Variants in COPB2 observed in about 807,000 individuals in gnomAD.
COPB2 encodes coatomer subunit beta'.
Under a neutral mutation model 120.8 loss-of-function variants are expected in COPB2, and 16 were observed. The ratio of observed to expected loss-of-function variants is 0.13; its 90% confidence interval spans 0.09 to 0.20. The LOEUF is 0.20. Ranked by LOEUF, COPB2 falls within the 10% of genes least tolerant of loss-of-function variation. COPB2 has a pLI of 1.00. For missense variants in COPB2, 794 were observed against 1,076.5 expected, an observed-to-expected ratio of 0.74 and a Z score of 3.67; for synonymous variants, 332 against 366.3, an observed-to-expected ratio of 0.91 and a Z score of 1.07.
Position 139,357,819 on chromosome 3 carries a change from T to A in COPB2, c.*44A>T. 5 of 1,067,868 alleles carry A rather than the reference T, an allele frequency of 4.7e-6. No homozygotes were observed. Among genetic ancestry groups the A allele is most frequent in the Non-Finnish European group, 6.9e-6 (5 of 721,430 alleles). The allele number at this position is 1,067,868 out of a possible 1,614,324, so 66.1% of individuals were successfully genotyped here. ...GTCAGGGTAGCAATCAATACCTATATATAATAATGATCTGTTTAGTCAGGT... is the reference window on the plus strand; with the variant it reads ...GTCAGGGTAGCAATCAATACCTATAAATAATAATGATCTGTTTAGTCAGGT... On this transcript the variant is annotated 3_prime_UTR_variant, in exon 22 of 22. Transcript: ENST00000333188.
chr3:139,359,448 A>G, intron 17 of COPB2, 86 bp from the exon 18 acceptor site: 1 of 1,285,152 alleles, frequency 7.8e-7, no homozygotes, highest in Non-Finnish European at 1.1e-6. Flanking sequence ...TAGTGTTACA[A>G]AGCCAAAAAT....
chr3:139,358,984 T>C lies in COPB2; in HGVS notation c.2484+14A>G. The C allele has an allele frequency of 6.2e-7, 1 of 1,608,882 alleles. No homozygotes were observed. Among genetic ancestry groups the C allele is most frequent in the Non-Finnish European group, 8.5e-7 (1 of 1,177,974 alleles). On this transcript the variant is annotated intron_variant, in intron 19 of 21. Coordinates refer to ENST00000333188, the MANE Select transcript of COPB2 (RefSeq NM_004766.3). ...TAGTTACAATAAATGAAGCTTGACA[T>C]CCTGGCCACTCACCGTGACAAGTGG...
Position 139,366,825 on chromosome 3 carries a change from A to G in COPB2, c.1677-50T>C, listed in dbSNP as rs948929691. On this transcript the variant is annotated intron_variant, in intron 14 of 21. Transcript: ENST00000333188. Reference sequence around the variant, plus strand: ...TAGAAATTCAAATCTGCAATTACACAAACACACACCCCGCCAATCTCCCTC... The same window carrying G: ...TAGAAATTCAAATCTGCAATTACACGAACACACACCCCGCCAATCTCCCTC... 4.4e-6 allele frequency: 7 copies of G among 1,576,832 alleles called. No individual in the cohort carries two copies. The Admixed American group carries it at 1.0e-4, about 23-fold the overall frequency.
In COPB2 at chr3:139,378,066, C is replaced by G; in HGVS notation, c.479G>C (p.Ser160Thr). ...CTTGATAGTCCTGTCCAAAGAGGCACTGGCAAACTGATTGTTATCTTTGGG... is the reference window on the plus strand; with the variant it reads ...CTTGATAGTCCTGTCCAAAGAGGCAGTGGCAAACTGATTGTTATCTTTGGG... Reference protein sequence around the residue: ...INPKDNNQFASASLDRTIKVW... With the variant: ...INPKDNNQFATASLDRTIKVW... The change falls in exon 5 of 22, where the codon AGT (serine) becomes ACT (threonine). Residue 160 changes from serine (S) to threonine (T), a missense_variant. Transcript: ENST00000333188. 6.4e-7 allele frequency: 1 copy of G among 1,573,284 alleles called. No homozygotes were observed. Among genetic ancestry groups the G allele is most frequent in the South Asian group, 1.2e-5 (1 of 85,826 alleles).
At position 139,370,278 on chromosome 3, in the gene COPB2, T is replaced by C. The variant is rs555495280; in HGVS notation, c.1206-734A>G. 4.6e-5 allele frequency among the ~76,000 whole-genome samples: 7 copies of C among 152,282 alleles called. No individual in the cohort carries two copies. The South Asian group carries it at 1.5e-3, about 32-fold the overall frequency. ...TACTGAACCCTATATACACTATGTT[T>C]TTTCCTATAATGTAAGAGGTGGGCA... is the stretch of plus-strand genomic sequence containing the variant. On this transcript the variant is annotated intron_variant, in intron 10 of 21. Transcript: ENST00000333188.
intron 10 of COPB2, among the ~76,000 whole-genome samples, chr3:139,371,500 T>C (rs1017915845): frequency 2.0e-5 from 3 of 152,212 alleles, no homozygotes; most frequent in Non-Finnish European, 2.9e-5. Context: ...AATGGAATTA[T>C]TGTATCAGCT....
At chr3:139,370,606 C>T (rs1304529655) in intron 10 of COPB2, among the ~76,000 whole-genome samples, 5 of 152,146 alleles carry the variant, frequency 3.3e-5, no homozygotes, top group Non-Finnish European at 5.9e-5. Flanking sequence ...CATTAATCAG[C>T]CATCATCAGC....
chr3:139,382,692 T>C (rs527284951), intron 2 of COPB2: 1 of 153,036 alleles, frequency 6.5e-6, no homozygotes, highest in Non-Finnish European at 1.5e-5. Flanking sequence ...CACAACTGTA[T>C]AGTATAGTGC....
chr3:139,373,281 T>C lies in COPB2; in HGVS notation c.1026A>G (p.Pro342=). 5 of 1,614,186 alleles carry C rather than the reference T, an allele frequency of 3.1e-6. No homozygotes were observed. The highest frequency in any genetic ancestry group is 4.2e-6 in the Non-Finnish European group (5 of 1,180,016). Residue 342 remains proline (P), a synonymous_variant, in exon 9 of 22, where the codon CCA becomes CCG. Coordinates refer to ENST00000333188, the MANE Select transcript of COPB2 (RefSeq NM_004766.3). The part of the protein sequence containing the change: ...DAEIKDGERL[P]LAVKDMGSCE... ...AACTGCCCATATCCTTTACTGCCAGTGGCAATCTTTCACCATCTTTAATTT... is the reference window on the plus strand; with the variant it reads ...AACTGCCCATATCCTTTACTGCCAGCGGCAATCTTTCACCATCTTTAATTT...
chr3:139,359,246 C>T, intron 18 of COPB2, 24 bp downstream of exon 18: 1 of 1,612,800 alleles, frequency 6.2e-7, no homozygotes, highest in African/African-American at 1.3e-5. Flanking sequence ...GGAAACATTT[C>T]TTCCTAAAAT....
At chr3:139,359,463 C>T in intron 17 of COPB2, 101 bp from the exon 18 acceptor site, 3 of 964,556 alleles carry the variant, frequency 3.1e-6, no homozygotes, top group Non-Finnish European at 4.8e-6. Flanking sequence ...AAAAATCTCC[C>T]CAATCTTCAC....
intron 13 of COPB2, 88 bp downstream of exon 13, chr3:139,368,057 C>G: frequency 7.1e-7 from 1 of 1,411,948 alleles, no homozygotes; most frequent in Non-Finnish European, 9.4e-7. Context: ...TAATTTATAA[C>G]GAAATGTTAA....
At chr3:139,377,252 G>A (rs34228084) in intron 5 of COPB2, among the ~76,000 whole-genome samples, 57,712 of 151,872 alleles carry the variant, frequency 0.38, 13,685 homozygotes, top group Non-Finnish European at 0.53. Flanking sequence ...TTCAATCTGA[G>A]AAAGGCTGAA....
intron 15 of COPB2, among the ~76,000 whole-genome samples, chr3:139,363,326 G>A (rs547881688): frequency 4.6e-5 from 7 of 152,274 alleles, no homozygotes; most frequent in East Asian, 3.9e-4. Context: ...CCTAAACTCC[G>A]CCTGTAACGG....
At position 139,368,161 on chromosome 3, in the gene COPB2, A is replaced by T. The variant is rs372003421; in HGVS notation, c.1529T>A (p.Ile510Asn). Residue 510 changes from isoleucine to asparagine, a missense_variant, in exon 13 of 22, where the codon ATT becomes AAT. Transcript: ENST00000333188. ...ETHEGVTEDGIEDAFEVLGEI... is the reference protein window; with the variant it reads ...ETHEGVTEDGNEDAFEVLGEI... The stretch of plus-strand genomic sequence containing the variant: ...TGCAATTACCTCAAAGGCATCTTCA[A>T]TGCCATCTTCAGTAACTCCCTCATG... 6.2e-7 allele frequency: 1 copy of T among 1,613,434 alleles called. No individual in the cohort carries two copies. The highest frequency in any genetic ancestry group is 2.2e-5 in the East Asian group (1 of 44,872).
At chr3:139,388,642 T>C (rs971566152) in intron 1 of COPB2, among the ~76,000 whole-genome samples, 2 of 150,308 alleles carry the variant, frequency 1.3e-5, no homozygotes, top group African/African-American at 4.9e-5. Context: ...TTTTTTTTTT[T>C]TTTGAGACGG....
At chr3:139,373,923 G>A in intron 7 of COPB2, 115 bp from the exon 8 acceptor site, 1 of 1,231,510 alleles carries the variant, frequency 8.1e-7, no homozygotes, top group South Asian at 1.6e-5. Context: ...CTTCCTGGCA[G>A]CTTAATGACC....
chr3:139,378,906 C>T, intron 4 of COPB2, 141 bp downstream of exon 4: 1 of 744,762 alleles, frequency 1.3e-6, no homozygotes, highest in Non-Finnish European at 2.1e-6. Flanking sequence ...GCATCAATAG[C>T]ACAGTAATGG....
At chr3:139,374,080 T>C (rs1941674117) in intron 7 of COPB2, among the ~76,000 whole-genome samples, 1 of 152,214 alleles carries the variant, frequency 6.6e-6, no homozygotes, top group African/African-American at 2.4e-5. Flanking sequence ...ATGTGCCAGA[T>C]GCTTTCTACC....
Sources: gnomAD v4.1 joint callset for allele counts (sites outside exome capture counted in the v4.1 genomes callset) on GRCh38, gnomAD v4.1.1 for gene constraint, MANE v1.5 for transcripts, NCBI Gene and HGNC (gene_info 2026-07-23, HGNC 2026-07-21) for gene names.